CPED1: variants seen among roughly 807,000 people sequenced by gnomAD.
CPED1 encodes cadherin like and PC-esterase domain containing 1, also known as cadherin-like and PC-esterase domain-containing protein 1.
In CPED1, 114 loss-of-function variants were observed where a neutral mutation model predicts 128.2. That is an observed-to-expected ratio of 0.89 (90% CI 0.76 to 1.04). The LOEUF (loss-of-function observed/expected upper bound fraction) is 1.04, where lower values mean the gene tolerates loss of function less well. CPED1 is among the 50% of genes least tolerant of loss of function. CPED1 has a pLI of 0.00. For synonymous variants in CPED1, 462 were observed against 426.7 expected (o/e 1.08, Z -1.02); for missense variants, 1,211 against 1,207.1 (o/e 1.00, Z -0.05).
chr7:121,214,159 A>G (rs970642695), intron 16 of CPED1, among the ~76,000 whole-genome samples: 5 of 152,016 alleles, frequency 3.3e-5, no homozygotes, highest in Admixed American at 1.3e-4. Flanking sequence ...TACAGAAGTG[A>G]TGTATTTCTC....
At chr7:121,024,179 A>G (rs548073269) in intron 3 of CPED1, among the ~76,000 whole-genome samples, 1 of 152,294 alleles carries the variant, frequency 6.6e-6, no homozygotes, top group Admixed American at 6.5e-5. Flanking sequence ...TAATTGGCTC[A>G]CTGGAGCTCA....
At chr7:121,033,947 A>T (rs1792806748) in intron 3 of CPED1, among the ~76,000 whole-genome samples, 1 of 152,244 alleles carries the variant, frequency 6.6e-6, no homozygotes, top group Non-Finnish European at 1.5e-5. Flanking sequence ...GCCTTATTAT[A>T]CAATGTTAAC....
intron 16 of CPED1, among the ~76,000 whole-genome samples, chr7:121,154,520 T>A (rs1796236662): frequency 6.6e-6 from 1 of 151,620 alleles, no homozygotes; most frequent in Non-Finnish European, 1.5e-5. Flanking sequence ...GAATTTTTTA[T>A]TTTTTATTTT....
chr7:121,185,841 C>G (rs1198229042), intron 16 of CPED1, among the ~76,000 whole-genome samples: 1 of 152,168 alleles, frequency 6.6e-6, no homozygotes, highest in African/African-American at 2.4e-5. Context: ...CGATTCTCTG[C>G]TTAAACAATC....
At chr7:121,240,070 G>A (rs1171637582) in intron 17 of CPED1, among the ~76,000 whole-genome samples, 1 of 152,158 alleles carries the variant, frequency 6.6e-6, no homozygotes, top group East Asian at 1.9e-4. Context: ...AAAAGGAATT[G>A]TTAACCAATG....
intron 16 of CPED1, among the ~76,000 whole-genome samples, chr7:121,236,513 T>C (rs535852738): frequency 6.6e-6 from 1 of 152,310 alleles, no homozygotes; most frequent in South Asian, 2.1e-4. Context: ...ATGACATGAA[T>C]ATCAATGTCA....
At chr7:121,131,492 G>GTT (rs35424690) in intron 12 of CPED1, among the ~76,000 whole-genome samples, 43 of 134,118 alleles carry the variant, frequency 3.2e-4, no homozygotes, top group East Asian at 3.0e-3. Flanking sequence ...CTGTTTCAAA[G>GTT]TTTTTTTTTT....
intron 7 of CPED1, among the ~76,000 whole-genome samples, chr7:121,122,490 C>T (rs1043284271): frequency 6.6e-6 from 1 of 152,142 alleles, no homozygotes; most frequent in Non-Finnish European, 1.5e-5. Context: ...GTACTGAATA[C>T]AGATGTGCTG....
chr7:121,238,574 C>T (rs1798312711), intron 17 of CPED1, among the ~76,000 whole-genome samples: 1 of 152,072 alleles, frequency 6.6e-6, no homozygotes, highest in South Asian at 2.1e-4. Flanking sequence ...TAAGTATTTA[C>T]ATGTTTCTCA....
intron 16 of CPED1, among the ~76,000 whole-genome samples, chr7:121,176,118 G>A (rs1053388182): frequency 6.7e-6 from 1 of 149,288 alleles, no homozygotes; most frequent in African/African-American, 2.5e-5. Context: ...CATAGGGATA[G>A]GGTTAAATAA....
intron 16 of CPED1, among the ~76,000 whole-genome samples, chr7:121,180,039 A>G (rs556497559): frequency 9.1e-4 from 139 of 152,196 alleles, no homozygotes; most frequent in African/African-American, 3.3e-3. Flanking sequence ...TGACTTTCAC[A>G]AAGTACACAT....
chr7:121,005,545 T>A (rs1486784240), intron 2 of CPED1, among the ~76,000 whole-genome samples: 2 of 152,076 alleles, frequency 1.3e-5, no homozygotes, highest in South Asian at 2.1e-4. Context: ...AAGAAATACC[T>A]AATGTAGATG....
intron 5 of CPED1, among the ~76,000 whole-genome samples, chr7:121,080,452 G>A (rs1164336570): frequency 6.7e-6 from 1 of 149,528 alleles, no homozygotes; most frequent in Non-Finnish European, 1.5e-5. Flanking sequence ...CACATTGCTT[G>A]CTTCAAAATA....
chr7:121,183,412 T>A (rs2116504385), intron 16 of CPED1, among the ~76,000 whole-genome samples: 1 of 152,314 alleles, frequency 6.6e-6, no homozygotes, highest in African/African-American at 2.4e-5. Context: ...TAAAGGACCC[T>A]TGACCTCAAG....
chr7:121,217,410 C>T (rs1797782042), intron 16 of CPED1, among the ~76,000 whole-genome samples: 1 of 151,942 alleles, frequency 6.6e-6, no homozygotes, highest in African/African-American at 2.4e-5. Context: ...TGTAAATATG[C>T]TATTCTATGT....
At chr7:121,002,686 T>TAA (rs1791892824) in intron 2 of CPED1, among the ~76,000 whole-genome samples, 1 of 152,090 alleles carries the variant, frequency 6.6e-6, no homozygotes, top group South Asian at 2.1e-4. Context: ...AAACAATGAT[T>TAA]AAAGTATGAC....
chr7:120,994,096 C>G (rs1796353719), intron 2 of CPED1: 1 of 155,822 alleles, frequency 6.4e-6, no homozygotes, highest in Admixed American at 6.5e-5. Flanking sequence ...GTAATGCCCA[C>G]TAGAAAGGTA....
chr7:121,244,214 T>C lies in CPED1; in HGVS notation c.2186T>C (p.Val729Ala). 1.2e-6 allele frequency: 2 copies of C among 1,614,182 alleles called. No homozygotes were observed. Among genetic ancestry groups the C allele is most frequent in the Non-Finnish European group, 1.7e-6 (2 of 1,180,010 alleles). Residue 729 changes from valine to alanine, a missense_variant, in exon 18 of 23, where the codon GTG (valine) becomes GCG (alanine). Physicochemically the swap from Val to Ala is moderately conservative, Grantham distance 64. Transcript: ENST00000310396. ...PSGDMKGQWI[V>A]PCLSCSDNRT... Reference sequence around the variant, plus strand: ...CCATCTATTCCAGGCCAGTGGATTGTGCCTTGCCTTAGTTGTTCGGACAAC... The same window carrying C: ...CCATCTATTCCAGGCCAGTGGATTGCGCCTTGCCTTAGTTGTTCGGACAAC...
chr7:121,290,606 T>C (rs1792678930), intron 22 of CPED1, among the ~76,000 whole-genome samples: 1 of 152,258 alleles, frequency 6.6e-6, no homozygotes, highest in South Asian at 2.1e-4. Context: ...AAATGTCTTC[T>C]TTTGAGAAGT....
Sources: allele counts gnomAD v4.1 joint callset (sites outside exome capture counted in the v4.1 genomes callset), GRCh38; gene constraint gnomAD v4.1.1; transcripts MANE v1.5; gene names NCBI Gene and HGNC (gene_info 2026-07-23, HGNC 2026-07-21).